ARHGEF9: variants seen among roughly 807,000 people sequenced by gnomAD.
The protein encoded by ARHGEF9 is rho guanine nucleotide exchange factor 9.
In ARHGEF9, 2 loss-of-function variants were observed where a neutral mutation model predicts 41.3. The observed-to-expected ratio is 0.05, with a 90% CI of 0.02 to 0.15. ARHGEF9 has a LOEUF of 0.15. ARHGEF9 is among the 10% of genes least tolerant of loss of function. ARHGEF9 has a pLI of 1.00. For synonymous variants in ARHGEF9, 160 were observed against 154.4 expected, an observed-to-expected ratio of 1.04 and a Z score of -0.27; for missense variants, 225 against 424.7, an observed-to-expected ratio of 0.53 and a Z score of 4.13.
At chrX:63,714,644 A>G (rs185976176) in intron 2 of ARHGEF9, among the ~76,000 whole-genome samples, 1 of 112,038 alleles carries the variant, frequency 8.9e-6, no homozygotes, top group Admixed American at 9.4e-5. Flanking sequence ...AATAGAAATA[A>G]TATCTATCTA....
intron 1 of ARHGEF9, among the ~76,000 whole-genome samples, chrX:63,778,807 G>C (rs1305761266): frequency 1.8e-5 from 2 of 111,863 alleles, no homozygotes; most frequent in Non-Finnish European, 3.8e-5. Flanking sequence ...CTAAAACATA[G>C]AAAGAATCAC....
intron 3 of ARHGEF9, among the ~76,000 whole-genome samples, chrX:63,705,162 T>C (rs2052444224): frequency 8.9e-6 from 1 of 112,135 alleles, no homozygotes; most frequent in African/African-American, 3.2e-5. Flanking sequence ...ATTTTCATCA[T>C]TGCAGGAAGT....
At chrX:63,701,185 C>A (rs2052139324) in intron 3 of ARHGEF9, among the ~76,000 whole-genome samples, 1 of 110,789 alleles carries the variant, frequency 9.0e-6, no homozygotes, top group African/African-American at 3.3e-5. Context: ...TAGAAACTAC[C>A]AGAAAATAGG....
intron 9 of ARHGEF9, chrX:63,642,050 G>T (rs1191013330): frequency 8.9e-6 from 1 of 111,812 alleles, no homozygotes; most frequent in Non-Finnish European, 1.9e-5. Flanking sequence ...GTGGGACCTG[G>T]CGATTGTGTG....
chrX:63,689,017 C>A (rs1274903713), intron 4 of ARHGEF9, among the ~76,000 whole-genome samples: 1 of 110,776 alleles, frequency 9.0e-6, no homozygotes, highest in Non-Finnish European at 1.9e-5. Context: ...TTAATACATG[C>A]CACCAGAGAA....
chrX:63,648,460 C>T (rs1193636008), intron 8 of ARHGEF9, among the ~76,000 whole-genome samples: 2 of 111,248 alleles, frequency 1.8e-5, no homozygotes, highest in East Asian at 2.8e-4. Flanking sequence ...GCACTAAACA[C>T]AGAAAGGAAC....
At chrX:63,678,980 G>A (rs1602363687) in intron 4 of ARHGEF9, among the ~76,000 whole-genome samples, 1 of 111,732 alleles carries the variant, frequency 8.9e-6, no homozygotes, top group South Asian at 3.7e-4. Flanking sequence ...AGCTGGAAAA[G>A]CTAAAAATAT....
intron 1 of ARHGEF9, among the ~76,000 whole-genome samples, chrX:63,760,353 C>A (rs1556449111): frequency 9.0e-6 from 1 of 111,198 alleles, no homozygotes; most frequent in Non-Finnish European, 1.9e-5. Context: ...TCATGGGTAT[C>A]ATCTCTATTT....
intron 2 of ARHGEF9, among the ~76,000 whole-genome samples, chrX:63,710,061 A>G (rs2052810931): frequency 9.0e-6 from 1 of 110,771 alleles, no homozygotes; most frequent in Non-Finnish European, 1.9e-5. Context: ...AATTATTAAA[A>G]TCATGGATGA....
At chrX:63,746,117 G>A (rs1279544696) in intron 1 of ARHGEF9, among the ~76,000 whole-genome samples, 1 of 111,607 alleles carries the variant, frequency 9.0e-6, no homozygotes, top group Non-Finnish European at 1.9e-5. Context: ...TAATCCTAGG[G>A]CTCCTAAGGC....
intron 1 of ARHGEF9, chrX:63,725,020 G>A (rs1296056351): frequency 3.5e-6 from 1 of 282,099 alleles, no homozygotes; most frequent in Non-Finnish European, 6.2e-6. Flanking sequence ...ATCTCTCCTT[G>A]GTGCTTCAAG....
intron 4 of ARHGEF9, among the ~76,000 whole-genome samples, chrX:63,693,712 A>G (rs1238093412): frequency 9.1e-6 from 1 of 110,385 alleles, no homozygotes; most frequent in East Asian, 2.8e-4. Context: ...AAAAACAAAC[A>G]ATACACTTAA....
At chrX:63,719,927 T>C in intron 2 of ARHGEF9, 1 of 285,465 alleles carries the variant, frequency 3.5e-6, no homozygotes, top group Non-Finnish European at 6.1e-6. Flanking sequence ...ACAGGACAAA[T>C]AGCAAACACA....
At chrX:63,716,052 T>A (rs1400604487) in intron 2 of ARHGEF9, 2 of 111,930 alleles carry the variant, frequency 1.8e-5, no homozygotes, top group Non-Finnish European at 3.8e-5. Flanking sequence ...TTTGGGAGGC[T>A]GAAGCAGGTG....
intron 7 of ARHGEF9, among the ~76,000 whole-genome samples, chrX:63,660,885 A>G (rs1277238560): frequency 5.4e-5 from 6 of 111,587 alleles, no homozygotes; most frequent in Non-Finnish European, 1.1e-4. Flanking sequence ...CCAAGGTCAT[A>G]TAGCTCATGG....
intron 3 of ARHGEF9, among the ~76,000 whole-genome samples, chrX:63,697,554 T>A (rs1470339513): frequency 8.9e-6 from 1 of 111,997 alleles, no homozygotes; most frequent in Non-Finnish European, 1.9e-5. Flanking sequence ...CCATCCTCTA[T>A]GAAGAAGACC....
chrX:63,713,845 G>A (rs782132661), intron 2 of ARHGEF9, among the ~76,000 whole-genome samples: 12 of 110,812 alleles, frequency 1.1e-4, no homozygotes, highest in African/African-American at 3.9e-4. Flanking sequence ...AAGACAATCA[G>A]CACGGTATGT....
intron 1 of ARHGEF9, among the ~76,000 whole-genome samples, chrX:63,784,533 C>T (rs1487512271): frequency 8.9e-6 from 1 of 112,301 alleles, no homozygotes; most frequent in South Asian, 3.7e-4. Context: ...GACAGGGTGA[C>T]CCCAGCCCGG....
chrX:63,666,247 C>T (rs782685796), intron 6 of ARHGEF9, among the ~76,000 whole-genome samples: 26 of 107,161 alleles, frequency 2.4e-4, no homozygotes, highest in Admixed American at 5.0e-4. Context: ...CCCTGCCACC[C>T]GGGACTGCTA....
Sources: allele counts gnomAD v4.1 joint callset (sites outside exome capture counted in the v4.1 genomes callset), GRCh38; gene constraint gnomAD v4.1.1; transcripts MANE v1.5; gene names NCBI Gene and HGNC (gene_info 2026-07-23, HGNC 2026-07-21).